TCF7L2: variants seen among roughly 807,000 people sequenced by gnomAD.
The protein encoded by TCF7L2 is transcription factor 7 like 2.
Under a neutral mutation model 77.9 loss-of-function variants are expected in TCF7L2, and 23 were observed. The ratio of observed to expected loss-of-function variants is 0.30; its 90% CI spans 0.21 to 0.42. TCF7L2 has a LOEUF of 0.42. Ranked by LOEUF, TCF7L2 falls within the 10% of genes least tolerant of loss-of-function variation. The pLI is 1.00. For synonymous variants in TCF7L2, 413 were observed against 340.2 expected, an observed-to-expected ratio of 1.21 and a Z score of -2.36; for missense variants, 654 against 793.1, an observed-to-expected ratio of 0.82 and a Z score of 2.11.
intron 4 of TCF7L2, among the ~76,000 whole-genome samples, chr10:112,997,848 G>A (rs987575052): frequency 2.0e-5 from 3 of 152,116 alleles, no homozygotes; most frequent in South Asian, 2.1e-4. Context: ...GGTAAGAGCC[G>A]TCCTCTTTGG....
chr10:113,008,401 C>T (rs2045931896), intron 4 of TCF7L2, among the ~76,000 whole-genome samples: 1 of 152,208 alleles, frequency 6.6e-6, no homozygotes, highest in Admixed American at 6.5e-5. Context: ...CGTAGCGGCA[C>T]TCAGCGTCAC....
intron 12 of TCF7L2, 71 bp from the exon 14 acceptor site, chr10:113,159,843 CCCTCTT>C (rs2072795178): frequency 3.1e-5 from 5 of 159,338 alleles, no homozygotes; most frequent in African/African-American, 1.5e-4. Flanking sequence ...CCCCCCCCCC[CCCTCTT>C]TCTCTCTCTC....
intron 4 of TCF7L2, among the ~76,000 whole-genome samples, chr10:113,030,681 G>A (rs2050061168): frequency 6.6e-6 from 1 of 152,212 alleles, no homozygotes; most frequent in Admixed American, 6.5e-5. Flanking sequence ...TAGCGGCCAA[G>A]GAGCATTAGC....
rs71489997 is a variant in TCF7L2, at chr10:113,073,099, C to CGTGTGTGTGTGTGTGT, written c.552+32989_552+33004dup. Among the ~76,000 whole-genome samples, 370 of 103,960 alleles carry CGTGTGTGTGTGTGTGT rather than the reference C, an allele frequency of 3.6e-3. 2 individuals are homozygous for CGTGTGTGTGTGTGTGT. Among genetic ancestry groups the CGTGTGTGTGTGTGTGT allele is most frequent in the African/African-American group, 0.014 (316 of 23,072 alleles). The allele number at this position is 103,960 out of a possible 152,430, so 68.2% of individuals were successfully genotyped here. A position where few individuals can be genotyped will look rare whatever the true frequency, so the allele number is the denominator to read the frequency against. On this transcript the variant is annotated intron_variant, in intron 5 of 13. Transcript: ENST00000627217. ...ATGTGTACCTAGGGCAGGGCCAGGT[C>CGTGTGTGTGTGTGTGT]GTGTGTGTGTGTGTGTGTGTGTGTG...
At chr10:113,046,946 A>G (rs565369180) in intron 5 of TCF7L2, among the ~76,000 whole-genome samples, 25 of 152,312 alleles carry the variant, frequency 1.6e-4, no homozygotes, top group Non-Finnish European at 3.4e-4. Context: ...CTGTTTATTT[A>G]AGATGAAAAT....
intron 4 of TCF7L2, among the ~76,000 whole-genome samples, chr10:112,966,186 A>T (rs1234784606): frequency 9.6e-4 from 14 of 14,590 alleles, no homozygotes; most frequent in African/African-American, 1.7e-3. Flanking sequence ...AAATATATTT[A>T]TATATATATA....
chr10:113,117,418 T>A (rs867662266), intron 5 of TCF7L2, among the ~76,000 whole-genome samples: 2 of 41,776 alleles, frequency 4.8e-5, no homozygotes, highest in East Asian at 8.1e-4. Flanking sequence ...TCTCTCTCTC[T>A]CTCTCTCTCT....
At chr10:112,991,956 A>C (rs756984532) in intron 4 of TCF7L2, among the ~76,000 whole-genome samples, 5 of 152,224 alleles carry the variant, frequency 3.3e-5, no homozygotes, top group Non-Finnish European at 7.3e-5. Context: ...TGTACATTGC[A>C]CCAAAAGCCA....
intron 5 of TCF7L2, among the ~76,000 whole-genome samples, chr10:113,057,136 G>T (rs1277279375): frequency 6.6e-6 from 1 of 152,166 alleles, no homozygotes; most frequent in Non-Finnish European, 1.5e-5. Flanking sequence ...AAACTGAGAA[G>T]CCAGACATTT....
At chr10:113,073,658 C>T (rs1564856708) in intron 5 of TCF7L2, among the ~76,000 whole-genome samples, 3 of 151,592 alleles carry the variant, frequency 2.0e-5, no homozygotes, top group Non-Finnish European at 2.9e-5. Flanking sequence ...CACCACTGCA[C>T]TCCAGCCTGG....
chr10:113,077,702 C>CTTT (rs34093384), intron 5 of TCF7L2, among the ~76,000 whole-genome samples: 2,662 of 134,056 alleles, frequency 0.02, 101 homozygotes, highest in African/African-American at 0.068. Context: ...TTCTTTTCTT[C>CTTT]TTTTTTTTTT....
chr10:112,958,044 G>T (rs1302046297), intron 3 of TCF7L2, among the ~76,000 whole-genome samples: 3 of 152,156 alleles, frequency 2.0e-5, no homozygotes, highest in African/African-American at 7.2e-5. Context: ...AAACTTACTA[G>T]CCCTCAGGGA....
intron 4 of TCF7L2, among the ~76,000 whole-genome samples, chr10:112,975,365 A>G (rs1026990813): frequency 3.9e-5 from 6 of 152,220 alleles, no homozygotes; most frequent in African/African-American, 1.4e-4. Flanking sequence ...TGGATGAGAT[A>G]GGATGACTTA....
Position 112,996,813 on chromosome 10 carries a change from A to C in TCF7L2, c.450+32189A>C, listed in dbSNP as rs145467351. ...AAAGGCTGAGCTGGGACCAGAGTCT[A>C]GGGTTCTAGAGGTGGGAATTTCTAC... On this transcript the variant is annotated intron_variant, in intron 4 of 13. Coordinates refer to ENST00000627217, the MANE Select transcript of TCF7L2 (RefSeq NM_001146274.2). Among the ~76,000 whole-genome samples the C allele has an allele frequency of 3.0e-3, 459 of 152,320 alleles. 6 individuals carry two copies. The highest frequency in any genetic ancestry group is 0.011 in the African/African-American group (449 of 41,582).
chr10:113,069,356 G>C (rs570597525), intron 5 of TCF7L2, among the ~76,000 whole-genome samples: 21 of 152,062 alleles, frequency 1.4e-4, no homozygotes, highest in Non-Finnish European at 7.4e-5. Context: ...AGCCTCCTGA[G>C]TAGCTGAGAT....
chr10:113,098,949 C>T (rs888119863), intron 5 of TCF7L2, among the ~76,000 whole-genome samples: 2 of 152,186 alleles, frequency 1.3e-5, no homozygotes, highest in Non-Finnish European at 2.9e-5. Flanking sequence ...TTCACTTCAT[C>T]CATTCCAGGG....
chr10:113,069,980 G>T (rs1475204203), intron 5 of TCF7L2, among the ~76,000 whole-genome samples: 2 of 152,118 alleles, frequency 1.3e-5, no homozygotes, highest in East Asian at 1.9e-4. Flanking sequence ...TTATTGGGCC[G>T]GGCATGGTGG....
intron 3 of TCF7L2, among the ~76,000 whole-genome samples, chr10:112,959,811 G>T: frequency 6.6e-6 from 1 of 152,036 alleles, no homozygotes; most frequent in South Asian, 2.1e-4. Flanking sequence ...AATGGCCTGT[G>T]GTTGCTCAAA....
chr10:113,109,052 T>C (rs546079168), intron 5 of TCF7L2, among the ~76,000 whole-genome samples: 4 of 152,342 alleles, frequency 2.6e-5, no homozygotes, highest in African/African-American at 9.6e-5. Flanking sequence ...GCCGACAGTG[T>C]GTATACACAA....
Sources: gnomAD v4.1 joint callset for allele counts (sites outside exome capture counted in the v4.1 genomes callset) on GRCh38, gnomAD v4.1.1 for gene constraint, MANE v1.5 for transcripts, NCBI Gene and HGNC (gene_info 2026-07-23, HGNC 2026-07-21) for gene names.